Variants in SATB1 observed in about 807,000 individuals in gnomAD.
The protein encoded by SATB1 is DNA-binding protein SATB1.
In SATB1, 11 loss-of-function variants were observed where a neutral mutation model predicts 86.9. The ratio of observed to expected loss-of-function variants is 0.13; its 90% confidence interval spans 0.08 to 0.21. The LOEUF is 0.21. Among genes scored for constraint, SATB1 ranks in the 10% least tolerant of loss-of-function variants. The pLI, the probability that SATB1 is intolerant of heterozygous loss-of-function variation, is 1.00. For missense variants in SATB1, 551 were observed against 937.6 expected (o/e 0.59, Z 5.39); for synonymous variants, 357 against 357.2 (o/e 1.00, Z 0.01).
intron 7 of SATB1, among the ~76,000 whole-genome samples, chr3:18,388,283 G>A (rs983515948): frequency 5.9e-5 from 9 of 152,100 alleles, no homozygotes; most frequent in Non-Finnish European, 1.2e-4. Context: ...TAGTTTGACT[G>A]TGTTTCTGAT....
At position 18,391,847 on chromosome 3, in the gene SATB1, A is replaced by G. The variant is rs567560159; in HGVS notation, c.1206+2615T>C. On this transcript the variant is annotated intron_variant, in intron 7 of 10. Transcript: ENST00000338745. ...CAACACACTACATCCAGTCATACCA[A>G]TGCATAATCATTAAAAAATAAATGC... Among the ~76,000 whole-genome samples the G allele has an allele frequency of 4.6e-5, 7 of 152,230 alleles. No individual in the cohort carries two copies. In the East Asian group the frequency reaches 1.2e-3, roughly 25 times the overall value.
Position 18,401,602 on chromosome 3 carries a change from A to G in SATB1, c.640-4312T>C, listed in dbSNP as rs116507963. On this transcript the variant is annotated intron_variant, in intron 5 of 10. Transcript: ENST00000338745. Reference sequence around the variant, plus strand: ...TTCACAGAATAAAATAAACCAACCGACAAAACTCAGTCGGTTGAAATACCA... The same window carrying G: ...TTCACAGAATAAAATAAACCAACCGGCAAAACTCAGTCGGTTGAAATACCA... Among the ~76,000 whole-genome samples the G allele has an allele frequency of 9.4e-3, 1,424 of 152,268 alleles. 24 individuals carry two copies. The highest frequency in any genetic ancestry group is 0.049 in the South Asian group (238 of 4,826).
chr3:18,439,077 T>C (rs898829649), upstream of SATB1, among the ~76,000 whole-genome samples: 2 of 152,180 alleles, frequency 1.3e-5, no homozygotes, highest in Non-Finnish European at 2.9e-5. Flanking sequence ...CTGAACCAAC[T>C]CTTAATTTTT....
chr3:18,351,240 G>A, intron 10 of SATB1: 1 of 1,285,804 alleles, frequency 7.8e-7, no homozygotes, highest in Non-Finnish European at 1.1e-6. Flanking sequence ...TGAAAATCCT[G>A]ACCTGGGGAG....
Position 18,419,854 on chromosome 3 carries a change from T to C in SATB1, c.211+903A>G, listed in dbSNP as rs200864145. ...TTCAGGATCAATATATTCTTTGTTT[T>C]CGCCAAACCAAGGAAAAAATAAATG... On this transcript the variant is annotated intron_variant, in intron 2 of 10. Transcript: ENST00000338745. 9.2e-5 allele frequency among the ~76,000 whole-genome samples: 14 copies of C among 152,346 alleles called. No individual in the cohort carries two copies. In the East Asian group the frequency reaches 2.3e-3, roughly 25 times the overall value.
At chr3:18,369,225 T>A (rs1290567725) in intron 9 of SATB1, among the ~76,000 whole-genome samples, 1 of 149,534 alleles carries the variant, frequency 6.7e-6, no homozygotes, top group Non-Finnish European at 1.5e-5. Flanking sequence ...GTCTTAGAAA[T>A]CCTTTCAGAA....
intron 2 of SATB1, chr3:18,417,757 C>A: frequency 1.5e-6 from 1 of 675,462 alleles, no homozygotes; most frequent in Admixed American, 2.2e-5. Flanking sequence ...ACCTACCTAA[C>A]TAAAAAGAGA....
At chr3:18,353,740 TAAAAG>T (rs953206693) in intron 9 of SATB1, among the ~76,000 whole-genome samples, 9 of 152,302 alleles carry the variant, frequency 5.9e-5, no homozygotes, top group African/African-American at 1.4e-4. Context: ...TGAAATATTT[TAAAAG>T]AAAAGGTAGA....
intron 2 of SATB1, among the ~76,000 whole-genome samples, chr3:18,419,218 T>C (rs1391337840): frequency 6.6e-6 from 1 of 152,176 alleles, no homozygotes; most frequent in Non-Finnish European, 1.5e-5. Context: ...GCGGTTACCC[T>C]CCCGTTTCTG....
chr3:18,412,587 G>C (rs1300344468), intron 5 of SATB1, among the ~76,000 whole-genome samples: 1 of 152,088 alleles, frequency 6.6e-6, no homozygotes, highest in Non-Finnish European at 1.5e-5. Flanking sequence ...ACACTCCACA[G>C]GGGAAGAAAG....
At chr3:18,406,013 C>T (rs894289688) in intron 5 of SATB1, among the ~76,000 whole-genome samples, 13 of 151,812 alleles carry the variant, frequency 8.6e-5, no homozygotes, top group Admixed American at 2.0e-4. Context: ...GAAGTTATGG[C>T]GAAATGATAA....
chr3:18,431,337 C>T (rs181258298), intron 2 of SATB1, among the ~76,000 whole-genome samples: 376 of 152,302 alleles, frequency 2.5e-3, no homozygotes, highest in Non-Finnish European at 4.5e-3. Flanking sequence ...TTATTTCCTT[C>T]TCCATGCTCC....
chr3:18,420,183 T>A (rs146116112), intron 2 of SATB1, among the ~76,000 whole-genome samples: 97 of 152,288 alleles, frequency 6.4e-4, no homozygotes, highest in Non-Finnish European at 1.1e-3. Context: ...CTTCCCCTTA[T>A]AAACTTGCCT....
At chr3:18,421,702 G>A (rs1318338439) in intron 1 of SATB1, among the ~76,000 whole-genome samples, 1 of 152,060 alleles carries the variant, frequency 6.6e-6, no homozygotes, top group Non-Finnish European at 1.5e-5. Context: ...AATATCCAAC[G>A]TACTGATGCA....
upstream of SATB1, among the ~76,000 whole-genome samples, chr3:18,439,304 T>A (rs999539926): frequency 3.3e-5 from 5 of 152,294 alleles, no homozygotes; most frequent in African/African-American, 1.2e-4. Context: ...ACTGTAAAAG[T>A]GATACAAAAT....
Position 18,397,310 on chromosome 3 carries a change from G to T in SATB1, c.640-20C>A, listed in dbSNP as rs773331307. On this transcript the variant is annotated intron_variant, in intron 5 of 10. Coordinates refer to ENST00000338745, the MANE Select transcript of SATB1 (RefSeq NM_002971.6). Reference sequence around the variant, plus strand: ...CATACTCTGCATGAAGAAGGGGGGAGAATATTTGTAATACACAGCAGCACA... The same window carrying T: ...CATACTCTGCATGAAGAAGGGGGGATAATATTTGTAATACACAGCAGCACA... The T allele has an allele frequency of 2.2e-6, 3 of 1,340,670 alleles. No homozygotes were observed. The highest frequency in any genetic ancestry group is 1.7e-5 in the Admixed American group (1 of 59,560). The allele number at this position is 1,340,670 out of a possible 1,614,324, so 83.0% of individuals were successfully genotyped here. A position where few individuals can be genotyped will look rare whatever the true frequency, so the allele number is the denominator to read the frequency against.
At chr3:18,409,618 C>T (rs1697728137) in intron 5 of SATB1, 1 of 152,010 alleles carries the variant, frequency 6.6e-6, no homozygotes, top group South Asian at 2.1e-4. Flanking sequence ...CAATTAGTAT[C>T]AAGTACTTCA....
At chr3:18,423,293 A>G (rs1024699721) in intron 1 of SATB1, among the ~76,000 whole-genome samples, 1 of 152,240 alleles carries the variant, frequency 6.6e-6, no homozygotes, top group Admixed American at 6.5e-5. Flanking sequence ...CTAAGACCAT[A>G]TATGATAATT....
At chr3:18,414,957 C>T in intron 5 of SATB1, 154 bp downstream of exon 5, 3 of 724,562 alleles carry the variant, frequency 4.1e-6, no homozygotes, top group Non-Finnish European at 6.8e-6. Context: ...AGGAATCAGG[C>T]ATATTTTAAA....
Sources: allele counts gnomAD v4.1 joint callset (sites outside exome capture counted in the v4.1 genomes callset), GRCh38; gene constraint gnomAD v4.1.1; transcripts MANE v1.5; gene names NCBI Gene and HGNC (gene_info 2026-07-23, HGNC 2026-07-21).